The following FUT1 variants were observed in gnomAD, a reference collection of about 807,000 sequenced individuals.
FUT1 encodes galactoside alpha-(1,2)-fucosyltransferase 1.
For synonymous variants in FUT1, 215 were observed against 208.7 expected (o/e 1.03, Z -0.26); for missense variants, 476 against 492.7 (o/e 0.97, Z 0.32).
chr19:48,750,552 G>A lies in FUT1; in HGVS notation c.730C>T (p.Gln244Ter), dbSNP rs1418450759. The A allele has an allele frequency of 1.2e-6, 2 of 1,612,514 alleles. No homozygotes were observed. Among genetic ancestry groups the A allele is most frequent in the Non-Finnish European group, 1.7e-6 (2 of 1,180,038 alleles). Residue 244 changes from glutamine to a stop codon, truncating the protein, a stop_gained, in exon 2 of 2, where the codon CAG (glutamine) becomes TAG (stop). Coordinates refer to ENST00000645652, the MANE Select transcript of FUT1 (RefSeq NM_001384359.1). LOFTEE classifies it low-confidence loss of function (END_TRUNC). The stretch of plus-strand genomic sequence containing the variant: ...CGTGCCCGGAACCAGTCCATGGCCT[G>A]CCGGAGGTAGGCGCTGTCGCCCACC... The part of the protein sequence containing the change: ...GVVGDSAYLR[Q>*]AMDWFRARHE...
chr19:48,751,374 G>T, intron 1 of FUT1, 91 bp from the exon 2 acceptor site: 1 of 1,319,698 alleles, frequency 7.6e-7, no homozygotes, highest in Non-Finnish European at 1.1e-6. Context: ...CGCCTGGGGT[G>T]CAGCACTCCT....
rs562513432 is a variant in FUT1 at position 48,749,246 on chromosome 19, G to C, written c.*938C>G. The C allele has an allele frequency of 6.6e-6, 1 of 150,950 alleles. No homozygotes were observed. Among genetic ancestry groups the C allele is most frequent in the Non-Finnish European group, 1.5e-5 (1 of 67,890 alleles). The allele number at this position is 150,950 out of a possible 1,614,324, so 9.4% of individuals were successfully genotyped here. A position where few individuals can be genotyped will look rare whatever the true frequency, so the allele number is the denominator to read the frequency against. On this transcript the variant is annotated 3_prime_UTR_variant, in exon 2 of 2. Transcript: ENST00000645652. ...GCAGAGCTTGCAGTGAGCTGAGATC[G>C]CGCCACTGCACTCTGGCCTGGGCTA...
chr19:48,748,265 A>G lies in FUT1; in HGVS notation c.*1919T>C, dbSNP rs1032664814. On this transcript the variant is annotated 3_prime_UTR_variant, in exon 2 of 2. Coordinates refer to ENST00000645652, the MANE Select transcript of FUT1 (RefSeq NM_001384359.1). ...GGCCAGACCTCGTGCTCCTGCCTGG[A>G]TCTGAGGCTGGGTCCAGGGTCTGCC... The G allele has an allele frequency of 3.3e-5, 5 of 152,288 alleles. No individual in the cohort carries two copies. Among genetic ancestry groups the G allele is most frequent in the African/African-American group, 4.8e-5 (2 of 41,412 alleles). The allele number at this position is 152,288 out of a possible 1,614,324, so 9.4% of individuals were successfully genotyped here.
At chr19:48,752,946 G>C, upstream of FUT1, 1 of 968,240 alleles carries the variant, frequency 1.0e-6, no homozygotes, top group Admixed American at 6.1e-5. The surrounding 1 kb of genome is among the most constrained non-coding windows in gnomAD (Gnocchi z 4.3). Flanking sequence ...GGAGCGCCCA[G>C]TTGCAATGCT....
rs2122552546 is a variant in FUT1 at position 48,750,138 on chromosome 19, G to A, written c.*46C>T. On this transcript the variant is annotated 3_prime_UTR_variant, in exon 2 of 2. Coordinates refer to ENST00000645652, the MANE Select transcript of FUT1 (RefSeq NM_001384359.1). The stretch of plus-strand genomic sequence containing the variant: ...TGCCAGGCCTCTGAAGCCACGTACT[G>A]CTGGCTCTAGAAAGATCAGGCTACT... 1 of 1,588,558 alleles carries A rather than the reference G, an allele frequency of 6.3e-7. No homozygotes were observed.
At position 48,752,237 on chromosome 19, in the gene FUT1, G is replaced by A. The variant is rs1479414603; in HGVS notation, c.-3+253C>T. On this transcript the variant is annotated intron_variant, in intron 1 of 1. Transcript: ENST00000645652. This position sits in a 1 kb window ranked among gnomAD's most constrained non-coding sequence, Gnocchi z 4.3. ...TCTTCCACCAGCCTGTTTCTCAGGA[G>A]TACCTGTCTGTGAGGCGCAAAATCC... Among the ~76,000 whole-genome samples, 3 of 151,866 alleles carry A rather than the reference G, an allele frequency of 2.0e-5. No homozygotes were observed. The highest frequency in any genetic ancestry group is 1.9e-4 in the East Asian group (1 of 5,154).
At chr19:48,754,181 G>A (rs1346175710), upstream of FUT1, among the ~76,000 whole-genome samples, 5 of 121,152 alleles carry the variant, frequency 4.1e-5, no homozygotes, top group African/African-American at 9.9e-5. Context: ...GCGAGACTCC[G>A]CCTCAAAAAA....
Position 48,752,109 on chromosome 19 carries a change from TAAA to T in FUT1, c.-3+378_-3+380del, listed in dbSNP as rs71179040. Among the ~76,000 whole-genome samples the T allele has an allele frequency of 0.044, 4,409 of 100,064 alleles. 104 individuals carry two copies. The highest frequency in any genetic ancestry group is 0.083 in the African/African-American group (2,122 of 25,494). 65.6% of individuals were successfully genotyped at this position (100,064 alleles called of 152,430 possible). A position where few individuals can be genotyped will look rare whatever the true frequency, so the allele number is the denominator to read the frequency against. ...TGCGCGACAGAGAGGGACCCTGTCTTAAAAAAAAAAAAAAAAAAAAAAAAAGAA... is the reference window on the plus strand; with the variant it reads ...TGCGCGACAGAGAGGGACCCTGTCTTAAAAAAAAAAAAAAAAAAAAAAGAA... On this transcript the variant is annotated intron_variant, in intron 1 of 1. Coordinates refer to ENST00000645652, the MANE Select transcript of FUT1 (RefSeq NM_001384359.1). The surrounding 1 kb of genome is among the most constrained non-coding windows in gnomAD (Gnocchi z 4.3).
upstream of FUT1, chr19:48,752,955 C>G (rs991865678): frequency 1.0e-6 from 1 of 957,322 alleles, no homozygotes; most frequent in African/African-American, 1.8e-5. This position sits in a 1 kb window ranked among gnomAD's most constrained non-coding sequence, Gnocchi z 4.3. Flanking sequence ...AGTTGCAATG[C>G]TGGAGCCGGG....
At chr19:48,754,223 C>A (rs1056073759), upstream of FUT1, among the ~76,000 whole-genome samples, 6 of 151,468 alleles carry the variant, frequency 4.0e-5, 1 homozygote, top group Non-Finnish European at 4.4e-5. Flanking sequence ...ATTTCTTCTA[C>A]CGCTATCTAC....
chr19:48,754,046 C>T (rs2034047793), upstream of FUT1, among the ~76,000 whole-genome samples: 1 of 151,842 alleles, frequency 6.6e-6, no homozygotes, highest in African/African-American at 2.4e-5. Context: ...TATCCGGGCG[C>T]GTGGTGGAGG....
upstream of FUT1, chr19:48,752,907 C>T (rs2034026626): frequency 2.0e-6 from 2 of 985,394 alleles, no homozygotes; most frequent in South Asian, 4.7e-5. This position sits in a 1 kb window ranked among gnomAD's most constrained non-coding sequence, Gnocchi z 4.3. Flanking sequence ...TTCTGAGCAG[C>T]CGCAGCATCA....
At position 48,749,794 on chromosome 19, in the gene FUT1, C is replaced by T. The variant is rs16982283; in HGVS notation, c.*390G>A. ...CAGAAGGGGACTTGGTGAATGCTTG[C>T]TCTGGAGCAATCATATGCTCCTTCA... On this transcript the variant is annotated 3_prime_UTR_variant, in exon 2 of 2. Coordinates refer to ENST00000645652, the MANE Select transcript of FUT1 (RefSeq NM_001384359.1). 3,755 of 286,792 alleles carry T rather than the reference C, an allele frequency of 0.013. 136 individuals carry two copies. The highest frequency in any genetic ancestry group is 0.078 in the African/African-American group (3,537 of 45,580). 17.8% of individuals were successfully genotyped at this position (286,792 alleles called of 1,614,324 possible). A position where few individuals can be genotyped will look rare whatever the true frequency, so the allele number is the denominator to read the frequency against.
upstream of FUT1, among the ~76,000 whole-genome samples, chr19:48,755,041 C>G (rs959341946): frequency 1.3e-5 from 2 of 151,654 alleles, no homozygotes; most frequent in South Asian, 2.1e-4. Context: ...GGACCCCAGC[C>G]CCTCCTTCCT....
chr19:48,748,684 G>A lies in FUT1; in HGVS notation c.*1500C>T, dbSNP rs2033944577. Reference sequence around the variant, plus strand: ...ACAAACAAAAAAAAGTCTTTGAGGGGCTGTGGGGCTTGTTGGACAGAGTCC... The same window carrying A: ...ACAAACAAAAAAAAGTCTTTGAGGGACTGTGGGGCTTGTTGGACAGAGTCC... On this transcript the variant is annotated 3_prime_UTR_variant, in exon 2 of 2. Coordinates refer to ENST00000645652, the MANE Select transcript of FUT1 (RefSeq NM_001384359.1). 1 of 152,332 alleles carries A rather than the reference G, an allele frequency of 6.6e-6. No homozygotes were observed. The highest frequency in any genetic ancestry group is 1.5e-5 in the Non-Finnish European group (1 of 68,044). The allele number at this position is 152,332 out of a possible 1,614,324, so 9.4% of individuals were successfully genotyped here.
At chr19:48,753,959 C>T (rs186249139), upstream of FUT1, among the ~76,000 whole-genome samples, 2 of 152,002 alleles carry the variant, frequency 1.3e-5, no homozygotes, top group Non-Finnish European at 2.9e-5. Flanking sequence ...CTGAGGCGGG[C>T]GGATCACAAG....
chr19:48,754,600 C>A (rs1267313342), upstream of FUT1, among the ~76,000 whole-genome samples: 1 of 152,146 alleles, frequency 6.6e-6, no homozygotes, highest in Non-Finnish European at 1.5e-5. Flanking sequence ...ATTAGTTATA[C>A]AACAAAGAAT....
Position 48,751,135 on chromosome 19 carries a change from T to C in FUT1, c.147A>G (p.Thr49=). The change falls in exon 2 of 2, where the codon ACA becomes ACG. Residue 49 remains threonine, a synonymous_variant. Transcript: ENST00000645652. ...GCAGGCAGAAGATGGCCACTGGGGGTGTCACCAGGCGGCGGTCTGGACACA... is the reference window on the plus strand; with the variant it reads ...GCAGGCAGAAGATGGCCACTGGGGGCGTCACCAGGCGGCGGTCTGGACACA... ...SILCPDRRLV[T]PPVAIFCLPG... is the part of the protein sequence containing the mutation. The C allele has an allele frequency of 6.2e-7, 1 of 1,613,212 alleles. No homozygotes were observed. The highest frequency in any genetic ancestry group is 8.5e-7 in the Non-Finnish European group (1 of 1,179,646).
upstream of FUT1, chr19:48,752,738 G>GCC: frequency 1.0e-6 from 1 of 985,334 alleles, no homozygotes; most frequent in Non-Finnish European, 1.2e-6. The surrounding 1 kb of genome is among the most constrained non-coding windows in gnomAD (Gnocchi z 4.3). Context: ...GGAAGGTGGA[G>GCC]CCCCGCCCGT....
Sources: gnomAD v4.1 joint callset for allele counts (sites outside exome capture counted in the v4.1 genomes callset) on GRCh38, gnomAD v4.1.1 for gene constraint, Gnocchi (gnomAD v3.1) non-coding constraint, MANE v1.5 for transcripts, NCBI Gene and HGNC (gene_info 2026-07-23, HGNC 2026-07-21) for gene names.